Variants in LANCL2 observed in about 807,000 individuals in gnomAD.
LANCL2 encodes the protein LanC like glutathione S-transferase 2.
Under a neutral mutation model 56.9 loss-of-function variants are expected in LANCL2, and 33 were observed. The ratio of observed to expected loss-of-function variants is 0.58; its 90% CI spans 0.44 to 0.78. The LOEUF is 0.78. Among genes scored for constraint, LANCL2 ranks in the 30% least tolerant of loss-of-function variants. The pLI is 0.00. For synonymous variants in LANCL2, 233 were observed against 228.2 expected (o/e 1.02, Z -0.19); for missense variants, 562 against 580.2 (o/e 0.97, Z 0.32).
intron 5 of LANCL2, among the ~76,000 whole-genome samples, chr7:55,404,611 C>CT (rs1001055697): frequency 6.0e-5 from 9 of 150,572 alleles, no homozygotes; most frequent in Admixed American, 2.0e-4. Flanking sequence ...AATTTTCTTT[C>CT]TTTTTTTTTC....
In LANCL2 at chr7:55,428,365, T is replaced by C; in HGVS notation, c.1186-10T>C. 1 of 1,613,158 alleles carries C rather than the reference T, an allele frequency of 6.2e-7. No individual in the cohort carries two copies. The highest frequency in any genetic ancestry group is 8.5e-7 in the Non-Finnish European group (1 of 1,179,098). ...ACTCCAGTCTTAAAAAGAAATCCCTTTCTTTTCAGTTTGCAGAGTGGTGTC... is the reference window on the plus strand; with the variant it reads ...ACTCCAGTCTTAAAAAGAAATCCCTCTCTTTTCAGTTTGCAGAGTGGTGTC... On this transcript the variant is annotated splice_polypyrimidine_tract_variant and intron_variant, in intron 7 of 8. Transcript: ENST00000254770.
intron 5 of LANCL2, among the ~76,000 whole-genome samples, chr7:55,402,956 T>C (rs1249222256): frequency 6.9e-6 from 1 of 144,936 alleles, no homozygotes; most frequent in Non-Finnish European, 1.5e-5. Context: ...CTTTCCAGAC[T>C]GGGCAGCCAG....
chr7:55,371,383 C>G (rs1207518756), intron 1 of LANCL2, among the ~76,000 whole-genome samples: 1 of 152,108 alleles, frequency 6.6e-6, no homozygotes, highest in African/African-American at 2.4e-5. Context: ...ACCACCATGC[C>G]CAACTAGTTT....
chr7:55,430,089 C>T (rs1285802899), intron 8 of LANCL2, among the ~76,000 whole-genome samples: 1 of 152,216 alleles, frequency 6.6e-6, no homozygotes, highest in Non-Finnish European at 1.5e-5. Context: ...GGCTCATCCC[C>T]GCAGGGCCTG....
intron 1 of LANCL2, among the ~76,000 whole-genome samples, chr7:55,381,841 A>T (rs1269348456): frequency 2.6e-5 from 4 of 152,254 alleles, no homozygotes; most frequent in Non-Finnish European, 5.9e-5. Context: ...TAGAGCAGTG[A>T]CAAGACAAAG....
At chr7:55,395,830 C>T (rs779573220) in intron 2 of LANCL2, among the ~76,000 whole-genome samples, 2 of 152,176 alleles carry the variant, frequency 1.3e-5, no homozygotes, top group South Asian at 2.1e-4. Flanking sequence ...AGTCATGCAT[C>T]GCTTCACATC....
At chr7:55,402,130 G>A (rs7802615) in intron 5 of LANCL2, among the ~76,000 whole-genome samples, 44 of 125,804 alleles carry the variant, frequency 3.5e-4, no homozygotes, top group South Asian at 7.7e-4. Context: ...GGGCAGAGGC[G>A]CCCCTCACCT....
chr7:55,369,072 A>G (rs1789908156), intron 1 of LANCL2, among the ~76,000 whole-genome samples: 1 of 152,222 alleles, frequency 6.6e-6, no homozygotes, highest in Admixed American at 6.5e-5. Context: ...ATTGCCAGCC[A>G]ACACCAGAAA....
intron 6 of LANCL2, among the ~76,000 whole-genome samples, chr7:55,424,720 G>A (rs781175884): frequency 1.3e-5 from 2 of 152,234 alleles, no homozygotes; most frequent in Non-Finnish European, 2.9e-5. Context: ...CTGGTCCGTG[G>A]CCTGTTAGGG....
Position 55,391,787 on chromosome 7 carries a change from T to C in LANCL2, c.205-6T>C, listed in dbSNP as rs1790193529. 2 of 1,466,494 alleles carry C rather than the reference T, an allele frequency of 1.4e-6. No homozygotes were observed. Among genetic ancestry groups the C allele is most frequent in the African/African-American group, 2.8e-5 (2 of 71,402 alleles). The allele number at this position is 1,466,494 out of a possible 1,614,324, so 90.8% of individuals were successfully genotyped here. A position where few individuals can be genotyped will look rare whatever the true frequency, so the allele number is the denominator to read the frequency against. ...AGTTAAAGTTATCTCTTCTTTTGGA[T>C]CTCAGATCATTCATAATTTCATAAG... On this transcript the variant is annotated splice_polypyrimidine_tract_variant and splice_region_variant and intron_variant, in intron 1 of 8. Transcript: ENST00000254770.
rs1445971704 is a variant in LANCL2 at position 55,433,625 on chromosome 7, A to G, written c.*2305A>G. On this transcript the variant is annotated 3_prime_UTR_variant, in exon 9 of 9. Coordinates refer to ENST00000254770, the MANE Select transcript of LANCL2 (RefSeq NM_018697.4). ...TAAAATGTGTCTAAATTTTAAAAAT[A>G]TGTACATGCATAATGTCATTTTAAA... 4.6e-5 allele frequency: 7 copies of G among 152,250 alleles called. No homozygotes were observed. Among genetic ancestry groups the G allele is most frequent in the African/African-American group, 1.4e-4 (6 of 41,470 alleles). The allele number at this position is 152,250 out of a possible 1,614,324, so 9.4% of individuals were successfully genotyped here.
At chr7:55,411,297 G>A (rs1790467643) in intron 5 of LANCL2, 1 of 152,218 alleles carries the variant, frequency 6.6e-6, no homozygotes, top group African/African-American at 2.4e-5. Context: ...AGTCCCTGTA[G>A]TAAAACTTTA....
At chr7:55,383,547 T>A (rs1790091957) in intron 1 of LANCL2, among the ~76,000 whole-genome samples, 1 of 152,196 alleles carries the variant, frequency 6.6e-6, no homozygotes, top group African/African-American at 2.4e-5. Context: ...TTAATCCACA[T>A]TAGCATATCA....
At chr7:55,409,313 C>T (rs1213963142) in intron 5 of LANCL2, among the ~76,000 whole-genome samples, 5 of 151,846 alleles carry the variant, frequency 3.3e-5, no homozygotes, top group Admixed American at 2.6e-4. Context: ...AGGACGGTCT[C>T]GATCTGACCT....
intron 5 of LANCL2, among the ~76,000 whole-genome samples, chr7:55,403,132 A>C (rs1583756161): frequency 6.6e-6 from 1 of 152,224 alleles, no homozygotes; most frequent in African/African-American, 2.4e-5. Context: ...ACGCCACTGC[A>C]CTCCAGCCTG....
chr7:55,423,280 G>C (rs1305176211), intron 6 of LANCL2, among the ~76,000 whole-genome samples: 2 of 152,232 alleles, frequency 1.3e-5, no homozygotes, highest in East Asian at 1.9e-4. Context: ...CAGCAGTGCA[G>C]GCTGCATTGT....
At chr7:55,395,604 C>G (rs535610999) in intron 2 of LANCL2, among the ~76,000 whole-genome samples, 1 of 151,904 alleles carries the variant, frequency 6.6e-6, no homozygotes, top group South Asian at 2.1e-4. Context: ...ATGAAACTAT[C>G]AAGGAAAAAA....
intron 1 of LANCL2, among the ~76,000 whole-genome samples, chr7:55,369,697 C>T (rs1425404428): frequency 1.3e-5 from 1 of 74,888 alleles, no homozygotes; most frequent in African/African-American, 4.3e-5. Flanking sequence ...TGTCTTTGAC[C>T]AGCAGCAGCA....
chr7:55,397,834 G>A (rs1052169443), intron 2 of LANCL2, among the ~76,000 whole-genome samples: 13 of 151,836 alleles, frequency 8.6e-5, no homozygotes, highest in South Asian at 2.1e-4. Context: ...AACCACACAC[G>A]CCCTTTGTAC....
Sources: gnomAD v4.1 joint callset for allele counts (sites outside exome capture counted in the v4.1 genomes callset) on GRCh38, gnomAD v4.1.1 for gene constraint, MANE v1.5 for transcripts, NCBI Gene and HGNC (gene_info 2026-07-23, HGNC 2026-07-21) for gene names.